Variants in FAM117A observed in about 807,000 individuals in gnomAD.
FAM117A encodes the protein family with sequence similarity 117 member A, also known as protein FAM117A.
In FAM117A, 21 loss-of-function variants were observed where a neutral mutation model predicts 44.1. The observed-to-expected ratio is 0.48, with a 90% CI of 0.34 to 0.69. The LOEUF (loss-of-function observed/expected upper bound fraction) is 0.69. Among genes scored for constraint, FAM117A ranks in the 30% least tolerant of loss-of-function variants. The probability of loss-of-function intolerance (pLI) is 0.01; values close to 1 mark genes in which losing one functional copy is unlikely to be tolerated. For synonymous variants in FAM117A, 220 were observed against 238.3 expected (o/e 0.92, Z 0.71); for missense variants, 498 against 589.9 (o/e 0.84, Z 1.61).
chr17:49,723,843 T>C (rs1010887088), intron 2 of FAM117A, among the ~76,000 whole-genome samples: 6 of 152,102 alleles, frequency 3.9e-5, no homozygotes, highest in Non-Finnish European at 8.8e-5. Flanking sequence ...TCAGCACCTT[T>C]ACTGGGCCAC....
chr17:49,749,404 A>G (rs186556159), intron 1 of FAM117A, among the ~76,000 whole-genome samples: 21 of 151,874 alleles, frequency 1.4e-4, no homozygotes, highest in East Asian at 5.8e-4. Flanking sequence ...GTGAAACCCC[A>G]TCTCTACTAA....
At chr17:49,777,615 C>T (rs2073778809) in intron 1 of FAM117A, among the ~76,000 whole-genome samples, 3 of 151,952 alleles carry the variant, frequency 2.0e-5, no homozygotes, top group Admixed American at 6.6e-5. Context: ...TTCTTTTGAA[C>T]CCTCCATGGC....
chr17:49,784,193 C>T (rs961362604), intron 1 of FAM117A, among the ~76,000 whole-genome samples: 2 of 152,220 alleles, frequency 1.3e-5, no homozygotes, highest in African/African-American at 4.8e-5. Context: ...TTTTAGGCAG[C>T]TTACAAAACT....
upstream of FAM117A, chr17:49,788,912 A>G: frequency 6.9e-7 from 1 of 1,454,240 alleles, no homozygotes; most frequent in Admixed American, 2.2e-5. Context: ...ACCGTGACGC[A>G]GTTGGCCACG....
chr17:49,756,777 G>A (rs990961856), intron 1 of FAM117A, among the ~76,000 whole-genome samples: 1 of 152,000 alleles, frequency 6.6e-6, no homozygotes, highest in Non-Finnish European at 1.5e-5. Context: ...TTATCTGGGC[G>A]TGGTGGCACA....
At chr17:49,761,547 A>T (rs1056555428) in intron 1 of FAM117A, among the ~76,000 whole-genome samples, 1 of 152,238 alleles carries the variant, frequency 6.6e-6, no homozygotes, top group African/African-American at 2.4e-5. Context: ...TAAGACACAG[A>T]AAGAACTTCC....
chr17:49,786,057 C>A (rs2073804921), intron 1 of FAM117A, among the ~76,000 whole-genome samples: 2 of 152,164 alleles, frequency 1.3e-5, no homozygotes, highest in Non-Finnish European at 2.9e-5. Flanking sequence ...AAGAAATAAG[C>A]TTTTAAGATC....
chr17:49,767,311 C>T (rs563560426), upstream of FAM117A, among the ~76,000 whole-genome samples: 182 of 152,328 alleles, frequency 1.2e-3, 1 homozygote, highest in Non-Finnish European at 1.6e-4. Context: ...ATCTAACTTG[C>T]AACAAAACCT....
intron 1 of FAM117A, among the ~76,000 whole-genome samples, chr17:49,752,806 G>A (rs970550048): frequency 6.6e-6 from 1 of 151,774 alleles, no homozygotes; most frequent in African/African-American, 2.4e-5. Context: ...TTATGGTGTG[G>A]ATAGTCACCT....
intron 1 of FAM117A, among the ~76,000 whole-genome samples, chr17:49,735,375 GC>G (rs1474359730): frequency 6.6e-6 from 1 of 150,838 alleles, no homozygotes; most frequent in African/African-American, 2.4e-5. Context: ...GGGCAACACA[GC>G]AAGACTCCGT....
At chr17:49,738,709 C>T (rs1196525528) in intron 1 of FAM117A, among the ~76,000 whole-genome samples, 1 of 152,228 alleles carries the variant, frequency 6.6e-6, no homozygotes, top group East Asian at 1.9e-4. Context: ...GTCCACTACC[C>T]TCCCAACTCT....
At chr17:49,774,349 C>T (rs927364665) in intron 1 of FAM117A, among the ~76,000 whole-genome samples, 1 of 135,576 alleles carries the variant, frequency 7.4e-6, no homozygotes, top group Non-Finnish European at 1.5e-5. Flanking sequence ...TTTTGTCATA[C>T]TGCCCAGGCT....
chr17:49,726,249 G>A (rs2073559085), intron 2 of FAM117A, among the ~76,000 whole-genome samples: 1 of 152,060 alleles, frequency 6.6e-6, no homozygotes, highest in Non-Finnish European at 1.5e-5. Context: ...TTTCACTCTT[G>A]TTGCCCAGGC....
At chr17:49,771,194 G>A (rs1360859033) in intron 1 of FAM117A, among the ~76,000 whole-genome samples, 2 of 152,174 alleles carry the variant, frequency 1.3e-5, no homozygotes, top group Non-Finnish European at 2.9e-5. Context: ...GCAACAGAGC[G>A]AGATCTCTGT....
At chr17:49,720,477 A>C in intron 3 of FAM117A, 41 bp from the exon 4 acceptor site, 1 of 1,532,296 alleles carries the variant, frequency 6.5e-7, no homozygotes. Flanking sequence ...AGATTAAGGA[A>C]AGCCAAAGTG....
At chr17:49,712,336 C>G (rs1223839716) in intron 7 of FAM117A, among the ~76,000 whole-genome samples, 1 of 152,158 alleles carries the variant, frequency 6.6e-6, no homozygotes, top group East Asian at 1.9e-4. Context: ...TTGTAAGATG[C>G]TTAACAGTGT....
At chr17:49,716,906 A>G (rs2073506901) in intron 6 of FAM117A, among the ~76,000 whole-genome samples, 1 of 152,180 alleles carries the variant, frequency 6.6e-6, no homozygotes, top group Non-Finnish European at 1.5e-5. Context: ...GTATTGTTAG[A>G]TCATGCCCTT....
At chr17:49,776,583 T>C (rs1004347825) in intron 1 of FAM117A, among the ~76,000 whole-genome samples, 2 of 152,230 alleles carry the variant, frequency 1.3e-5, no homozygotes, top group Non-Finnish European at 2.9e-5. Flanking sequence ...TTTACTATTA[T>C]GTCTCTGCCT....
At chr17:49,744,124 A>C (rs2073645227) in intron 1 of FAM117A, among the ~76,000 whole-genome samples, 2 of 152,230 alleles carry the variant, frequency 1.3e-5, no homozygotes, top group African/African-American at 4.8e-5. Flanking sequence ...ACAAACTGCC[A>C]GACAGCAGCA....
Sources: allele counts gnomAD v4.1 joint callset (sites outside exome capture counted in the v4.1 genomes callset), GRCh38; gene constraint gnomAD v4.1.1; transcripts MANE v1.5; gene names NCBI Gene and HGNC (gene_info 2026-07-23, HGNC 2026-07-21).